ZNHIT2: variants seen among roughly 807,000 people sequenced by gnomAD.
The protein encoded by ZNHIT2 is zinc finger HIT domain-containing protein 2.
ZNHIT2 carries 16 observed loss-of-function variants against 18.0 expected under a neutral mutation model. That is an observed-to-expected ratio of 0.89 (90% CI 0.60 to 1.35). The LOEUF is 1.35. ZNHIT2 is among the 40% of genes most tolerant of loss of function. ZNHIT2 has a pLI of 0.00. For synonymous variants in ZNHIT2, 336 were observed against 269.8 expected, an observed-to-expected ratio of 1.25 and a Z score of -2.41; for missense variants, 631 against 566.4, an observed-to-expected ratio of 1.11 and a Z score of -1.16.
At position 65,117,308 on chromosome 11, in the gene ZNHIT2, G is replaced by T; in HGVS notation, c.346C>A (p.Arg116Ser). The T allele has an allele frequency of 6.7e-7, 1 of 1,489,714 alleles. No homozygotes were observed. The highest frequency in any genetic ancestry group is 8.8e-7 in the Non-Finnish European group (1 of 1,132,020). 92.3% of individuals were successfully genotyped at this position (1,489,714 alleles called of 1,614,324 possible). ...GGCAGCAGCCGCCCGGCCTCACCGC[G>T]GCTCAGCAGCCGCTCGAAGGCAGCT... ...EKAAFERLLS[R>S]GEAGRLLPPW... Residue 116 changes from arginine (R) to serine (S), a missense_variant, in exon 1 of 1, where the codon CGC becomes AGC. Arg to Ser is a moderately radical substitution (Grantham distance 110). Transcript: ENST00000310597.
chr11:65,117,198 C>T lies in ZNHIT2; in HGVS notation c.456G>A (p.Ala152=), dbSNP rs1948001830. 6.5e-7 allele frequency: 1 copy of T among 1,542,426 alleles called. No individual in the cohort carries two copies. The highest frequency in any genetic ancestry group is 8.7e-7 in the Non-Finnish European group (1 of 1,150,626). The change falls in exon 1 of 1, where the codon GCG becomes GCA. Residue 152 remains alanine (A), a synonymous_variant. Coordinates refer to ENST00000310597, the MANE Select transcript of ZNHIT2 (RefSeq NM_014205.4). Reference sequence around the variant, plus strand: ...TCCTCGCAGGGGCGAGCTCCAGCTCCGCGGCGTCACTACCCGGGGCATTAT... The same window carrying T: ...TCCTCGCAGGGGCGAGCTCCAGCTCTGCGGCGTCACTACCCGGGGCATTAT... ...ELDNAPGSDA[A]ELELAPARTP...
At position 65,117,112 on chromosome 11, in the gene ZNHIT2, A is replaced by G. The variant is rs369408043; in HGVS notation, c.542T>C (p.Leu181Pro). 28 of 1,584,286 alleles carry G rather than the reference A, an allele frequency of 1.8e-5. No homozygotes were observed. In the East Asian group the frequency reaches 2.3e-4, roughly 13 times the overall value. The part of the protein sequence containing the change: ...AAEPAAAERV[L>P]GDVPGACTPV... ...CGTGCAGGCCCCCGGGACATCTCCAAGAACCCGCTCGGCGGCCGCGGGCTC... is the reference window on the plus strand; with the variant it reads ...CGTGCAGGCCCCCGGGACATCTCCAGGAACCCGCTCGGCGGCCGCGGGCTC... The change falls in exon 1 of 1, where the codon CTT (leucine) becomes CCT (proline). Residue 181 changes from leucine (L) to proline (P), a missense_variant. By Grantham distance (98) the Leu-to-Pro change is moderately conservative. Coordinates refer to ENST00000310597, the MANE Select transcript of ZNHIT2 (RefSeq NM_014205.4).
rs1947995668 is a variant in ZNHIT2 at position 65,116,911 on chromosome 11, GA to G, written c.742del (p.Ser248ProfsTer112). 6.3e-7 allele frequency: 1 copy of G among 1,596,922 alleles called. No individual in the cohort carries two copies. Among genetic ancestry groups the G allele is most frequent in the East Asian group, 2.2e-5 (1 of 44,544 alleles). ...SDFCATLLGV[S>X]GALGAQQVFA... ...GACTTGCTGGGCACCCAGGGCTCCG[GA>G]AACGCCGAGCAGTGTGGCACAGAAG... On this transcript the variant is annotated frameshift_variant, in exon 1 of 1. Coordinates refer to ENST00000310597, the MANE Select transcript of ZNHIT2 (RefSeq NM_014205.4). LOFTEE classifies it high-confidence loss of function.
At position 65,116,570 on chromosome 11, in the gene ZNHIT2, C is replaced by A. The variant is rs556832705; in HGVS notation, c.1084G>T (p.Ala362Ser). The change falls in exon 1 of 1, where the codon GCC (alanine) becomes TCC (serine). Residue 362 changes from alanine (A) to serine (S), a missense_variant. Transcript: ENST00000310597. ...AALTPLALDC[A>S]RAHQAHAVVA... ...ACAGCATGGGCTTGGTGAGCCCTGG[C>A]GCAGTCTAGGGCCAGGGGTGTGAGG... 3 of 1,587,656 alleles carry A rather than the reference C, an allele frequency of 1.9e-6. No individual in the cohort carries two copies. Among genetic ancestry groups the A allele is most frequent in the South Asian group, 2.3e-5 (2 of 88,172 alleles).
At position 65,116,518 on chromosome 11, in the gene ZNHIT2, G is replaced by GT; in HGVS notation, c.1135dup (p.Thr379AsnfsTer21). ...TCCCCAAAGCCGCTCCAGCTCCCCA[G>GT]TGAGGGCGGCCACCTCCTCGGCTAC... On this transcript the variant is annotated frameshift_variant, in exon 1 of 1. Transcript: ENST00000310597. LOFTEE classifies it high-confidence loss of function. 2 of 1,534,662 alleles carry GT rather than the reference G, an allele frequency of 1.3e-6. No individual in the cohort carries two copies. The highest frequency in any genetic ancestry group is 4.5e-5 in the East Asian group (2 of 43,990).
chr11:65,117,659 C>T lies in ZNHIT2; in HGVS notation c.-6G>A. On this transcript the variant is annotated 5_prime_UTR_variant, in exon 1 of 1. Transcript: ENST00000310597. ...CAGGGCCCGGCCGGCTCCATGGCAACTGGCACCGCGATCTACCTGCGAACG... is the reference window on the plus strand; with the variant it reads ...CAGGGCCCGGCCGGCTCCATGGCAATTGGCACCGCGATCTACCTGCGAACG... The T allele has an allele frequency of 7.2e-7, 1 of 1,383,314 alleles. No homozygotes were observed. The highest frequency in any genetic ancestry group is 1.6e-5 in the South Asian group (1 of 62,066). 85.7% of individuals were successfully genotyped at this position (1,383,314 alleles called of 1,614,324 possible).
In ZNHIT2 at chr11:65,117,228, C is replaced by T; in HGVS notation, c.426G>A (p.Glu142=). The T allele has an allele frequency of 6.6e-7, 1 of 1,515,904 alleles. No homozygotes were observed. Among genetic ancestry groups the T allele is most frequent in the East Asian group, 2.3e-5 (1 of 43,244 alleles). The allele number at this position is 1,515,904 out of a possible 1,614,324, so 93.9% of individuals were successfully genotyped here. A position where few individuals can be genotyped will look rare whatever the true frequency, so the allele number is the denominator to read the frequency against. ...CGTCACTACCCGGGGCATTATCCAG[C>T]TCCTCCAGAAGCTGCGGTCCGGCTC... ...NRGAGPQLLE[E]LDNAPGSDAA... is the part of the protein sequence containing the mutation. The change falls in exon 1 of 1, where the codon GAG becomes GAA. Residue 142 remains glutamate (E), a synonymous_variant. Transcript: ENST00000310597.
In ZNHIT2 at chr11:65,117,292, C is replaced by G; in HGVS notation, c.362G>C (p.Arg121Pro). 2 of 1,486,662 alleles carry G rather than the reference C, an allele frequency of 1.3e-6. No individual in the cohort carries two copies. The highest frequency in any genetic ancestry group is 8.9e-7 in the Non-Finnish European group (1 of 1,129,310). 92.1% of individuals were successfully genotyped at this position (1,486,662 alleles called of 1,614,324 possible). A position where few individuals can be genotyped will look rare whatever the true frequency, so the allele number is the denominator to read the frequency against. ...CCACGGCCGCCATGGAGGCAGCAGC[C>G]GCCCGGCCTCACCGCGGCTCAGCAG... is the stretch of plus-strand genomic sequence containing the variant. ...ERLLSRGEAG[R>P]LLPPWRPWWW... Residue 121 changes from arginine to proline, a missense_variant, in exon 1 of 1, where the codon CGG becomes CCG. By Grantham distance (103) the Arg-to-Pro change is moderately radical (BLOSUM62 -2). Transcript: ENST00000310597.
chr11:65,117,247 C>G lies in ZNHIT2; in HGVS notation c.407G>C (p.Gly136Ala). The change falls in exon 1 of 1, where the codon GGA (glycine) becomes GCA (alanine). Residue 136 changes from glycine (G) to alanine (A), a missense_variant. By Grantham distance (60) the Gly-to-Ala change is moderately conservative. Coordinates refer to ENST00000310597, the MANE Select transcript of ZNHIT2 (RefSeq NM_014205.4). Reference sequence around the variant, plus strand: ...ATCCAGCTCCTCCAGAAGCTGCGGTCCGGCTCCGCGGTTCCACCACCACGG... The same window carrying G: ...ATCCAGCTCCTCCAGAAGCTGCGGTGCGGCTCCGCGGTTCCACCACCACGG... ...WRPWWWNRGAGPQLLEELDNA... is the reference protein window; with the variant it reads ...WRPWWWNRGAAPQLLEELDNA... 2.7e-6 allele frequency: 4 copies of G among 1,500,312 alleles called. No individual in the cohort carries two copies. The highest frequency in any genetic ancestry group is 3.5e-6 in the Non-Finnish European group (4 of 1,133,396). 92.9% of individuals were successfully genotyped at this position (1,500,312 alleles called of 1,614,324 possible). A position where few individuals can be genotyped will look rare whatever the true frequency, so the allele number is the denominator to read the frequency against.
chr11:65,117,099 C>T lies in ZNHIT2; in HGVS notation c.555G>A (p.Pro185=), dbSNP rs200508022. 4.4e-6 allele frequency: 7 copies of T among 1,590,684 alleles called. No individual in the cohort carries two copies. In the Admixed American group the frequency reaches 7.0e-5, roughly 16 times the overall value. The part of the protein sequence containing the change: ...AAAERVLGDV[P]GACTPVVPTR... ...TGGGTACGACGGGCGTGCAGGCCCCCGGGACATCTCCAAGAACCCGCTCGG... is the reference window on the plus strand; with the variant it reads ...TGGGTACGACGGGCGTGCAGGCCCCTGGGACATCTCCAAGAACCCGCTCGG... Residue 185 remains proline (P), a synonymous_variant, in exon 1 of 1, where the codon CCG becomes CCA. Coordinates refer to ENST00000310597, the MANE Select transcript of ZNHIT2 (RefSeq NM_014205.4).
rs765623213 is a variant in ZNHIT2 at position 65,117,279 on chromosome 11, T to G, written c.375A>C (p.Pro125=). ...SRGEAGRLLP[P]WRPWWWNRGA... ...CGCGGTTCCACCACCACGGCCGCCATGGAGGCAGCAGCCGCCCGGCCTCAC... is the reference window on the plus strand; with the variant it reads ...CGCGGTTCCACCACCACGGCCGCCAGGGAGGCAGCAGCCGCCCGGCCTCAC... Residue 125 remains proline (P), a synonymous_variant, in exon 1 of 1, where the codon CCA becomes CCC. Coordinates refer to ENST00000310597, the MANE Select transcript of ZNHIT2 (RefSeq NM_014205.4). 6.7e-7 allele frequency: 1 copy of G among 1,490,500 alleles called. No homozygotes were observed. Among genetic ancestry groups the G allele is most frequent in the Admixed American group, 2.3e-5 (1 of 42,926 alleles). The allele number at this position is 1,490,500 out of a possible 1,614,324, so 92.3% of individuals were successfully genotyped here. A position where few individuals can be genotyped will look rare whatever the true frequency, so the allele number is the denominator to read the frequency against.
rs559479401 is a variant in ZNHIT2 at position 65,117,293 on chromosome 11, G to A, written c.361C>T (p.Arg121Trp). The A allele has an allele frequency of 1.0e-4, 155 of 1,486,592 alleles. 1 individual carries two copies. The highest frequency in any genetic ancestry group is 2.4e-4 in the Admixed American group (10 of 42,024). The allele number at this position is 1,486,592 out of a possible 1,614,324, so 92.1% of individuals were successfully genotyped here. The change falls in exon 1 of 1, where the codon CGG (arginine) becomes TGG (tryptophan). Residue 121 changes from arginine (R) to tryptophan (W), a missense_variant. Coordinates refer to ENST00000310597, the MANE Select transcript of ZNHIT2 (RefSeq NM_014205.4). ...ERLLSRGEAGRLLPPWRPWWW... is the reference protein window; with the variant it reads ...ERLLSRGEAGWLLPPWRPWWW... Reference sequence around the variant, plus strand: ...CACGGCCGCCATGGAGGCAGCAGCCGCCCGGCCTCACCGCGGCTCAGCAGC... The same window carrying A: ...CACGGCCGCCATGGAGGCAGCAGCCACCCGGCCTCACCGCGGCTCAGCAGC...
Position 65,116,555 on chromosome 11 carries a change from C to G in ZNHIT2, c.1099G>C (p.Ala367Pro). The G allele has an allele frequency of 6.4e-7, 1 of 1,571,262 alleles. No homozygotes were observed. The highest frequency in any genetic ancestry group is 1.3e-5 in the African/African-American group (1 of 74,234). Residue 367 changes from alanine (A) to proline (P), a missense_variant, in exon 1 of 1, where the codon GCC (alanine) becomes CCC (proline). Ala to Pro is a conservative substitution (Grantham distance 27). Coordinates refer to ENST00000310597, the MANE Select transcript of ZNHIT2 (RefSeq NM_014205.4). ...ACCTCCTCGGCTACCACAGCATGGG[C>G]TTGGTGAGCCCTGGCGCAGTCTAGG... Reference protein sequence around the residue: ...LALDCARAHQAHAVVAEEVAA... With the variant: ...LALDCARAHQPHAVVAEEVAA...
At position 65,117,647 on chromosome 11, in the gene ZNHIT2, G is replaced by A. The variant is rs748350558; in HGVS notation, c.7C>T (p.Pro3Ser). The change falls in exon 1 of 1, where the codon CCG (proline) becomes TCG (serine). Residue 3 changes from proline to serine, a missense_variant. Coordinates refer to ENST00000310597, the MANE Select transcript of ZNHIT2 (RefSeq NM_014205.4). ...GGGCAGAAGCCACAGGGCCCGGCCG[G>A]CTCCATGGCAACTGGCACCGCGATC... MEPAGPCGFCPAG... is the reference protein window; with the variant it reads MESAGPCGFCPAG... 3.5e-6 allele frequency: 5 copies of A among 1,416,612 alleles called. No individual in the cohort carries two copies. The highest frequency in any genetic ancestry group is 1.5e-5 in the South Asian group (1 of 67,766). The allele number at this position is 1,416,612 out of a possible 1,614,324, so 87.8% of individuals were successfully genotyped here.
chr11:65,117,640 C>A lies in ZNHIT2; in HGVS notation c.14G>T (p.Gly5Val). 1.4e-6 allele frequency: 2 copies of A among 1,438,448 alleles called. No individual in the cohort carries two copies. Among genetic ancestry groups the A allele is most frequent in the East Asian group, 2.7e-5 (1 of 36,606 alleles). 89.1% of individuals were successfully genotyped at this position (1,438,448 alleles called of 1,614,324 possible). A position where few individuals can be genotyped will look rare whatever the true frequency, so the allele number is the denominator to read the frequency against. The change falls in exon 1 of 1, where the codon GGG (glycine) becomes GTG (valine). Residue 5 changes from glycine (G) to valine (V), a missense_variant. By Grantham distance (109) the Gly-to-Val change is moderately radical. Transcript: ENST00000310597. Reference sequence around the variant, plus strand: ...CCCCGCCGGGCAGAAGCCACAGGGCCCGGCCGGCTCCATGGCAACTGGCAC... The same window carrying A: ...CCCCGCCGGGCAGAAGCCACAGGGCACGGCCGGCTCCATGGCAACTGGCAC... MEPA[G>V]PCGFCPAGEV...
chr11:65,117,217 G>A lies in ZNHIT2; in HGVS notation c.437C>T (p.Ala146Val). 1 of 1,528,748 alleles carries A rather than the reference G, an allele frequency of 6.5e-7. No individual in the cohort carries two copies. The highest frequency in any genetic ancestry group is 8.7e-7 in the Non-Finnish European group (1 of 1,144,704). 94.7% of individuals were successfully genotyped at this position (1,528,748 alleles called of 1,614,324 possible). A position where few individuals can be genotyped will look rare whatever the true frequency, so the allele number is the denominator to read the frequency against. ...CAGCTCCGCGGCGTCACTACCCGGG[G>A]CATTATCCAGCTCCTCCAGAAGCTG... is the stretch of plus-strand genomic sequence containing the variant. ...GPQLLEELDN[A>V]PGSDAAELEL... The change falls in exon 1 of 1, where the codon GCC becomes GTC. Residue 146 changes from alanine (A) to valine (V), a missense_variant. Ala to Val is a moderately conservative substitution (Grantham distance 64). Transcript: ENST00000310597.
rs1173799065 is a variant in ZNHIT2, at chr11:65,117,097, C to T, written c.557G>A (p.Gly186Glu). ...AAERVLGDVPGACTPVVPTRI... is the reference protein window; with the variant it reads ...AAERVLGDVPEACTPVVPTRI... The stretch of plus-strand genomic sequence containing the variant: ...GGTGGGTACGACGGGCGTGCAGGCC[C>T]CCGGGACATCTCCAAGAACCCGCTC... Residue 186 changes from glycine to glutamate, a missense_variant, in exon 1 of 1, where the codon GGG (glycine) becomes GAG (glutamate). By Grantham distance (98) the Gly-to-Glu change is moderately conservative. Transcript: ENST00000310597. 6 of 1,591,478 alleles carry T rather than the reference C, an allele frequency of 3.8e-6. No individual in the cohort carries two copies. Among genetic ancestry groups the T allele is most frequent in the Middle Eastern group, 1.7e-4 (1 of 6,024 alleles).
Position 65,116,692 on chromosome 11 carries a change from CG to C in ZNHIT2, c.961del (p.Arg321GlyfsTer39). On this transcript the variant is annotated frameshift_variant, in exon 1 of 1. Coordinates refer to ENST00000310597, the MANE Select transcript of ZNHIT2 (RefSeq NM_014205.4). LOFTEE classifies it high-confidence loss of function. ...GDLAQTLGRARKQAVAREERD... is the reference protein window; with the variant it reads ...GDLAQTLGRAXKQAVAREERD... The stretch of plus-strand genomic sequence containing the variant: ...CTCTTCTCTAGCCACGGCCTGTTTC[CG>C]GGCACGGCCCAGGGTCTGTGCCAGG... 6.2e-7 allele frequency: 1 copy of C among 1,613,898 alleles called. No individual in the cohort carries two copies. The highest frequency in any genetic ancestry group is 8.5e-7 in the Non-Finnish European group (1 of 1,180,004).
At position 65,117,340 on chromosome 11, in the gene ZNHIT2, C is replaced by T. The variant is rs1948003955; in HGVS notation, c.314G>A (p.Gly105Asp). 2 of 1,501,908 alleles carry T rather than the reference C, an allele frequency of 1.3e-6. No individual in the cohort carries two copies. The highest frequency in any genetic ancestry group is 5.1e-5 in the East Asian group (2 of 39,584). 93.0% of individuals were successfully genotyped at this position (1,501,908 alleles called of 1,614,324 possible). The change falls in exon 1 of 1, where the codon GGC (glycine) becomes GAC (aspartate). Residue 105 changes from glycine to aspartate, a missense_variant. By Grantham distance (94) the Gly-to-Asp change is moderately conservative. Coordinates refer to ENST00000310597, the MANE Select transcript of ZNHIT2 (RefSeq NM_014205.4). ...LSGLWERLAP[G>D]EKAAFERLLS... ...CAGCCGCTCGAAGGCAGCTTTTTCG[C>T]CCGGCGCCAGCCGCTCCCAGAGTCC...
Sources: allele counts gnomAD v4.1 joint callset, GRCh38; gene constraint gnomAD v4.1.1; transcripts MANE v1.5; gene names NCBI Gene and HGNC (gene_info 2026-07-23, HGNC 2026-07-21).